KCNIP4: variants seen among roughly 807,000 people sequenced by gnomAD.
The protein encoded by KCNIP4 is Kv channel-interacting protein 4.
KCNIP4 carries 12 observed loss-of-function variants against 34.0 expected under a neutral mutation model. The ratio of observed to expected loss-of-function variants is 0.35; its 90% CI spans 0.23 to 0.57. The LOEUF is 0.57. KCNIP4 is among the 20% of genes least tolerant of loss of function. The pLI, the probability that KCNIP4 is intolerant of heterozygous loss-of-function variation, is 0.83. For synonymous variants in KCNIP4, 124 were observed against 102.2 expected (o/e 1.21, Z -1.29); for missense variants, 238 against 311.7 (o/e 0.76, Z 1.78).
At chr4:21,913,791 T>C (rs1266759937) in intron 1 of KCNIP4, among the ~76,000 whole-genome samples, 1 of 151,946 alleles carries the variant, frequency 6.6e-6, no homozygotes, top group Admixed American at 6.6e-5. Flanking sequence ...TTTGGGAGTG[T>C]TGATGGGGTT....
At chr4:20,839,141 CTTTTTTT>C (rs1719409768) in intron 3 of KCNIP4, among the ~76,000 whole-genome samples, 1 of 151,974 alleles carries the variant, frequency 6.6e-6, no homozygotes, top group Non-Finnish European at 1.5e-5. Context: ...TGTTTTCTAA[CTTTTTTT>C]AGGGAGGTGA....
chr4:21,544,292 A>G (rs1737959582), intron 1 of KCNIP4: 2 of 152,056 alleles, frequency 1.3e-5, no homozygotes, highest in Admixed American at 6.6e-5. Context: ...ACAAACACAT[A>G]CATAAAAAAT....
chr4:21,525,860 T>C (rs1242321284), intron 1 of KCNIP4, among the ~76,000 whole-genome samples: 1 of 152,200 alleles, frequency 6.6e-6, no homozygotes, highest in East Asian at 1.9e-4. Flanking sequence ...TCCTATCTAA[T>C]TTTTATAATC....
intron 1 of KCNIP4, among the ~76,000 whole-genome samples, chr4:21,742,132 C>A (rs917522148): frequency 2.0e-5 from 3 of 152,194 alleles, no homozygotes; most frequent in Middle Eastern, 3.4e-3. Flanking sequence ...ATTGAAACAG[C>A]GTTATTGTAC....
intron 5 of KCNIP4, among the ~76,000 whole-genome samples, chr4:20,740,403 G>A (rs1475143179): frequency 3.3e-5 from 5 of 152,198 alleles, no homozygotes; most frequent in Non-Finnish European, 7.3e-5. Context: ...TTACAAGCCA[G>A]AAGAGAGTGG....
At chr4:21,524,024 C>A (rs1378909843) in intron 1 of KCNIP4, among the ~76,000 whole-genome samples, 1 of 152,020 alleles carries the variant, frequency 6.6e-6, no homozygotes, top group Non-Finnish European at 1.5e-5. Flanking sequence ...AACATTTTTT[C>A]CATCCTGTGA....
intron 1 of KCNIP4, among the ~76,000 whole-genome samples, chr4:21,343,430 A>C (rs1436977394): frequency 2.6e-5 from 4 of 152,146 alleles, no homozygotes; most frequent in Non-Finnish European, 5.9e-5. Context: ...TCTACCTTTG[A>C]CAGGGAAAGC....
chr4:20,772,137 A>G (rs1165727924), intron 3 of KCNIP4, among the ~76,000 whole-genome samples: 6 of 152,192 alleles, frequency 3.9e-5, no homozygotes. Flanking sequence ...TCCCAAGGTC[A>G]GTGGGACTGG....
At chr4:21,027,944 C>T (rs73805265) in intron 1 of KCNIP4, among the ~76,000 whole-genome samples, 4,195 of 152,242 alleles carry the variant, frequency 0.028, 180 homozygotes, top group African/African-American at 0.092. Flanking sequence ...TAATTAATTA[C>T]CTTTTCAACA....
intron 1 of KCNIP4, among the ~76,000 whole-genome samples, chr4:21,117,177 A>G (rs1336705456): frequency 2.6e-5 from 4 of 151,902 alleles, no homozygotes; most frequent in African/African-American, 9.7e-5. Context: ...TTAATCTAGG[A>G]GGTCTAATTC....
intron 1 of KCNIP4, among the ~76,000 whole-genome samples, chr4:21,824,104 A>T (rs1722535895): frequency 6.6e-6 from 1 of 152,184 alleles, no homozygotes; most frequent in Non-Finnish European, 1.5e-5. Flanking sequence ...TTTGCAAAAT[A>T]TCATAACAAT....
intron 1 of KCNIP4, among the ~76,000 whole-genome samples, chr4:21,041,962 C>T (rs1006275139): frequency 1.3e-5 from 2 of 152,146 alleles, no homozygotes; most frequent in Admixed American, 6.5e-5. Context: ...AGACAAAATA[C>T]CTAACTTTCT....
At chr4:21,135,820 G>A (rs963266941) in intron 1 of KCNIP4, among the ~76,000 whole-genome samples, 56 of 152,094 alleles carry the variant, frequency 3.7e-4, no homozygotes, top group Admixed American at 2.6e-4. Context: ...GTCAGCTCTT[G>A]AATATCCTTG....
chr4:21,738,539 G>C (rs943332845), intron 1 of KCNIP4, among the ~76,000 whole-genome samples: 1 of 152,152 alleles, frequency 6.6e-6, no homozygotes, highest in Non-Finnish European at 1.5e-5. Flanking sequence ...ATTGCTCAGG[G>C]CTTGTGTTAC....
At chr4:21,610,897 C>T (rs971698252) in intron 1 of KCNIP4, among the ~76,000 whole-genome samples, 1 of 151,872 alleles carries the variant, frequency 6.6e-6, no homozygotes, top group African/African-American at 2.4e-5. Flanking sequence ...TATATATGTG[C>T]CACGGTGATT....
chr4:21,565,228 C>A (rs568003601), intron 1 of KCNIP4, among the ~76,000 whole-genome samples: 1 of 152,154 alleles, frequency 6.6e-6, no homozygotes, highest in Non-Finnish European at 1.5e-5. Context: ...TGCCATTCTG[C>A]GTCAGGGCCC....
chr4:21,399,286 C>A (rs755111523), intron 1 of KCNIP4, among the ~76,000 whole-genome samples: 3 of 152,198 alleles, frequency 2.0e-5, no homozygotes, highest in Admixed American at 6.5e-5. Flanking sequence ...AGGCATGAGG[C>A]CGTTTCTTCT....
chr4:21,113,868 T>C lies in KCNIP4; in HGVS notation c.62-231159A>G, dbSNP rs531915430. Among the ~76,000 whole-genome samples the C allele has an allele frequency of 2.6e-5, 4 of 152,300 alleles. No homozygotes were observed. In the South Asian group the frequency reaches 8.3e-4, roughly 32 times the overall value. ...AATACGCAAATACCTTAACAAGAAA[T>C]AGGTGACATTTGACTTAACTCTAAT... On this transcript the variant is annotated intron_variant, in intron 1 of 8. Coordinates refer to ENST00000382152, the MANE Select transcript of KCNIP4 (RefSeq NM_025221.6).
At chr4:20,815,278 A>C (rs1169798565) in intron 3 of KCNIP4, among the ~76,000 whole-genome samples, 2 of 152,178 alleles carry the variant, frequency 1.3e-5, no homozygotes, top group East Asian at 3.8e-4. Flanking sequence ...TCAAATAATT[A>C]ATTTAAAATA....
Sources: allele counts gnomAD v4.1 joint callset (sites outside exome capture counted in the v4.1 genomes callset), GRCh38; gene constraint gnomAD v4.1.1; transcripts MANE v1.5; gene names NCBI Gene and HGNC (gene_info 2026-07-23, HGNC 2026-07-21).